RBFOX1: variants seen among roughly 807,000 people sequenced by gnomAD.
The protein encoded by RBFOX1 is RNA binding protein fox-1 homolog 1.
Under a neutral mutation model 57.7 loss-of-function variants are expected in RBFOX1, and 8 were observed. That is an observed-to-expected ratio of 0.14 (90% confidence interval 0.08 to 0.25). The LOEUF (loss-of-function observed/expected upper bound fraction) is 0.25. RBFOX1 is among the 10% of genes least tolerant of loss of function. The pLI is 1.00. For synonymous variants in RBFOX1, 326 were observed against 222.4 expected (o/e 1.47, Z -4.15); for missense variants, 611 against 548.5 (o/e 1.11, Z -1.14).
intron 5 of RBFOX1, among the ~76,000 whole-genome samples, chr16:7,567,969 A>G (rs2152745023): frequency 6.6e-6 from 1 of 151,796 alleles, no homozygotes; most frequent in South Asian, 2.1e-4. Context: ...ATTGCCCAAG[A>G]AAAAACATTA....
At position 6,990,956 on chromosome 16, in the gene RBFOX1, A is replaced by C. The variant is rs114668288; in HGVS notation, c.-15-61101A>C. Among the ~76,000 whole-genome samples the C allele has an allele frequency of 9.4e-3, 1,423 of 152,054 alleles. 29 individuals are homozygous for C. Among genetic ancestry groups the C allele is most frequent in the African/African-American group, 0.033 (1,353 of 41,462 alleles). On this transcript the variant is annotated intron_variant, in intron 3 of 15. Coordinates refer to ENST00000550418, the MANE Select transcript of RBFOX1 (RefSeq NM_018723.4). The stretch of plus-strand genomic sequence containing the variant: ...ATGAGAACCACCACATTGTTCATTG[A>C]TTGCATATTTTAAAGCTCTGTGTCC...
At chr16:6,792,858 G>A (rs2083235035) in intron 3 of RBFOX1, among the ~76,000 whole-genome samples, 1 of 151,998 alleles carries the variant, frequency 6.6e-6, no homozygotes, top group African/African-American at 2.4e-5. Context: ...GTGAAACCCT[G>A]TCTCTACTAA....
In RBFOX1 at chr16:5,933,436, A is replaced by T. The variant is rs925850765; in HGVS notation, c.351+66101A>T. Among the ~76,000 whole-genome samples, 4 of 152,262 alleles carry T rather than the reference A, an allele frequency of 2.6e-5. No individual in the cohort carries two copies. The South Asian group carries it at 8.3e-4, about 32-fold the overall frequency. On this transcript the variant is annotated intron_variant, in intron 4 of 19. Coordinates refer to the RBFOX1 transcript ENST00000641259. ...AGAGTGGCTCCGACATGTCAGCCTG[A>T]TCCTTGGCCCGTTTTGAGGGATCTC...
At chr16:7,174,176 A>G (rs938009920) in intron 4 of RBFOX1, among the ~76,000 whole-genome samples, 15 of 146,736 alleles carry the variant, frequency 1.0e-4, no homozygotes, top group Admixed American at 2.7e-4. Flanking sequence ...AAGTTTATCC[A>G]TGATAAACTT....
chr16:5,428,084 C>T (rs1019554667), intron 1 of RBFOX1, among the ~76,000 whole-genome samples: 6 of 151,866 alleles, frequency 4.0e-5, no homozygotes, highest in African/African-American at 1.2e-4. Flanking sequence ...TAGAAAGCAC[C>T]CCTGGGGGTG....
At chr16:6,962,139 G>T (rs986088216) in intron 3 of RBFOX1, among the ~76,000 whole-genome samples, 16 of 152,134 alleles carry the variant, frequency 1.1e-4, no homozygotes, top group African/African-American at 3.6e-4. Context: ...CTGAAGTCTT[G>T]ATAGGAGAAT....
At chr16:6,891,039 G>A (rs1361962263) in intron 3 of RBFOX1, among the ~76,000 whole-genome samples, 3 of 152,146 alleles carry the variant, frequency 2.0e-5, no homozygotes, top group African/African-American at 4.8e-5. Flanking sequence ...AGTTACGTCT[G>A]ATTCCCCTTC....
chr16:7,575,915 G>A (rs1257462576), intron 5 of RBFOX1, among the ~76,000 whole-genome samples: 2 of 151,990 alleles, frequency 1.3e-5, no homozygotes. Flanking sequence ...TATCCTGTGA[G>A]CTTAGTACCA....
intron 4 of RBFOX1, among the ~76,000 whole-genome samples, chr16:7,066,701 C>A (rs745590692): frequency 6.6e-6 from 1 of 152,278 alleles, no homozygotes; most frequent in South Asian, 2.1e-4. Context: ...CTTCCACAGT[C>A]AGGACTGAAG....
intron 1 of RBFOX1, among the ~76,000 whole-genome samples, chr16:5,315,162 A>G (rs1322769890): frequency 1.3e-5 from 2 of 152,192 alleles, no homozygotes; most frequent in East Asian, 1.9e-4. Flanking sequence ...TTGTTGGTGG[A>G]GTCTGTGGGC....
intron 1 of RBFOX1, among the ~76,000 whole-genome samples, chr16:6,078,754 A>G (rs145036210): frequency 6.6e-6 from 1 of 152,366 alleles, no homozygotes; most frequent in East Asian, 1.9e-4. Flanking sequence ...TTGATGATCC[A>G]GAATATGTAT....
chr16:7,245,545 A>G (rs948720447), intron 4 of RBFOX1, among the ~76,000 whole-genome samples: 1 of 152,224 alleles, frequency 6.6e-6, no homozygotes, highest in Non-Finnish European at 1.5e-5. Flanking sequence ...GTATTTTCAT[A>G]ATCAACAAGA....
intron 4 of RBFOX1, among the ~76,000 whole-genome samples, chr16:7,293,931 G>T (rs1374947463): frequency 6.6e-6 from 1 of 152,132 alleles, no homozygotes; most frequent in African/African-American, 2.4e-5. Context: ...GATTAATTCA[G>T]AGCTGGAGAT....
intron 1 of RBFOX1, among the ~76,000 whole-genome samples, chr16:5,445,803 C>T (rs1304989741): frequency 6.6e-6 from 1 of 152,230 alleles, no homozygotes; most frequent in African/African-American, 2.4e-5. Context: ...AACATGCTGA[C>T]CCATACTATA....
At chr16:7,183,664 C>G (rs372865675) in intron 4 of RBFOX1, among the ~76,000 whole-genome samples, 7 of 152,104 alleles carry the variant, frequency 4.6e-5, no homozygotes, top group African/African-American at 1.7e-4. Flanking sequence ...GAATACAGAA[C>G]CAGATGATAT....
At chr16:6,560,220 C>G (rs150654849) in intron 2 of RBFOX1, among the ~76,000 whole-genome samples, 4 of 142,402 alleles carry the variant, frequency 2.8e-5, no homozygotes, top group Non-Finnish European at 6.1e-5. Context: ...AGTCAATATT[C>G]TAGTTGGGGG....
intron 4 of RBFOX1, among the ~76,000 whole-genome samples, chr16:7,330,279 T>G (rs2096667199): frequency 6.6e-6 from 1 of 152,108 alleles, no homozygotes; most frequent in African/African-American, 2.4e-5. Flanking sequence ...TTAGATTACT[T>G]CTGAAGCCTA....
At chr16:5,351,015 C>T (rs1388021670) in intron 1 of RBFOX1, among the ~76,000 whole-genome samples, 1 of 152,112 alleles carries the variant, frequency 6.6e-6, no homozygotes, top group Non-Finnish European at 1.5e-5. Context: ...TGAAGGCAAT[C>T]GTTCACCCAC....
At chr16:6,656,613 C>G (rs955572649) in intron 3 of RBFOX1, among the ~76,000 whole-genome samples, 1 of 151,080 alleles carries the variant, frequency 6.6e-6, no homozygotes, top group Non-Finnish European at 1.5e-5. Context: ...CACACACACA[C>G]ACACACACAC....
Sources: allele counts gnomAD v4.1 joint callset (sites outside exome capture counted in the v4.1 genomes callset), GRCh38; gene constraint gnomAD v4.1.1; transcripts MANE v1.5; gene names NCBI Gene and HGNC (gene_info 2026-07-23, HGNC 2026-07-21).